Variants in APBA2 observed in about 807,000 individuals in gnomAD.
APBA2 encodes amyloid-beta A4 precursor protein-binding family A member 2.
In APBA2, 30 loss-of-function variants were observed where a neutral mutation model predicts 75.0. The ratio of observed to expected loss-of-function variants is 0.40; its 90% confidence interval spans 0.30 to 0.54. The LOEUF is 0.54. APBA2 is among the 20% of genes least tolerant of loss of function. The pLI is 0.49. For synonymous variants in APBA2, 444 were observed against 409.6 expected (o/e 1.08, Z -1.01); for missense variants, 801 against 1,016.1 (o/e 0.79, Z 2.88).
chr15:29,033,374 G>C (rs1457623528), intron 3 of APBA2, among the ~76,000 whole-genome samples: 3 of 152,052 alleles, frequency 2.0e-5, no homozygotes, highest in African/African-American at 7.2e-5. Context: ...TGTATTAATA[G>C]TTCCCTGTGC....
At chr15:29,029,344 A>AC (rs201888641) in intron 3 of APBA2, among the ~76,000 whole-genome samples, 3 of 151,066 alleles carry the variant, frequency 2.0e-5, no homozygotes, top group Admixed American at 6.6e-5. Context: ...AAAAAAAAAA[A>AC]CCCCTCTGTA....
chr15:28,965,087 T>C (rs1172896414), intron 2 of APBA2, among the ~76,000 whole-genome samples: 2 of 152,074 alleles, frequency 1.3e-5, no homozygotes, highest in Non-Finnish European at 2.9e-5. Context: ...TTTTTTTTTC[T>C]ACATGTCTTA....
Position 29,093,232 on chromosome 15 carries a change from T to C in APBA2, c.1215+12T>C, listed in dbSNP as rs776524606. 9.3e-6 allele frequency: 15 copies of C among 1,613,986 alleles called. No homozygotes were observed. Among genetic ancestry groups the C allele is most frequent in the Non-Finnish European group, 1.0e-5 (12 of 1,180,026 alleles). On this transcript the variant is annotated intron_variant, in intron 7 of 14. Transcript: ENST00000683413. ...TCAGCCGGGTCAAGGTAGAGGTGCTTCGAGGGCCCCTCGCGGATGCCCGCA... is the reference window on the plus strand; with the variant it reads ...TCAGCCGGGTCAAGGTAGAGGTGCTCCGAGGGCCCCTCGCGGATGCCCGCA...
At chr15:28,981,853 C>T (rs2037640247) in intron 2 of APBA2, among the ~76,000 whole-genome samples, 1 of 152,314 alleles carries the variant, frequency 6.6e-6, no homozygotes, top group Non-Finnish European at 1.5e-5. Context: ...ATGTCCTTTA[C>T]AGCAACATAG....
At chr15:28,969,151 T>TCTTGCTTG (rs777930945) in intron 2 of APBA2, among the ~76,000 whole-genome samples, 2 of 76,820 alleles carry the variant, frequency 2.6e-5, no homozygotes, top group African/African-American at 8.8e-4. Context: ...TTTCTTTCTT[T>TCTTGCTTG]CTTTCTTTCT....
intron 2 of APBA2, among the ~76,000 whole-genome samples, chr15:28,982,259 C>T (rs1372881765): frequency 3.3e-5 from 5 of 152,222 alleles, no homozygotes; most frequent in African/African-American, 1.2e-4. Flanking sequence ...TTGAACTCAG[C>T]CCAACATATT....
intron 2 of APBA2, among the ~76,000 whole-genome samples, chr15:28,984,214 T>G (rs926920920): frequency 6.6e-6 from 1 of 151,934 alleles, no homozygotes; most frequent in Non-Finnish European, 1.5e-5. Flanking sequence ...TTCGGGACTC[T>G]GAGTGCCGGG....
intron 2 of APBA2, among the ~76,000 whole-genome samples, chr15:28,935,148 C>A (rs2034786217): frequency 6.6e-6 from 1 of 152,174 alleles, no homozygotes; most frequent in Non-Finnish European, 1.5e-5. Context: ...CACTAGGTTT[C>A]TTTGGATTTT....
At chr15:28,965,895 G>A (rs983693237) in intron 2 of APBA2, among the ~76,000 whole-genome samples, 2 of 152,074 alleles carry the variant, frequency 1.3e-5, no homozygotes, top group African/African-American at 4.8e-5. Flanking sequence ...TTGGTATGTC[G>A]TGTTGTCATT....
chr15:29,009,093 G>A (rs894179351), intron 3 of APBA2, among the ~76,000 whole-genome samples: 2 of 152,150 alleles, frequency 1.3e-5, no homozygotes, highest in African/African-American at 4.8e-5. Flanking sequence ...TACTGAGAAG[G>A]CATCAGAAAA....
At chr15:29,064,036 A>G (rs2042267767) in intron 4 of APBA2, among the ~76,000 whole-genome samples, 1 of 152,102 alleles carries the variant, frequency 6.6e-6, no homozygotes, top group Admixed American at 6.5e-5. Flanking sequence ...AAGTTCTCAC[A>G]TGCCTCTTTC....
In APBA2 at chr15:29,054,628, C is replaced by T; in HGVS notation, c.744C>T (p.Ala248=). 1.2e-6 allele frequency: 2 copies of T among 1,614,182 alleles called. No homozygotes were observed. Among genetic ancestry groups the T allele is most frequent in the South Asian group, 2.2e-5 (2 of 91,082 alleles). Reference sequence around the variant, plus strand: ...CCAGCATCACCAGCGCCAGTGAGGCCAGCCCCGAGCATGGGCCTGAGCCAG... The same window carrying T: ...CCAGCATCACCAGCGCCAGTGAGGCTAGCCCCGAGCATGGGCCTGAGCCAG... ...SMTSITSASE[A]SPEHGPEPGP... Residue 248 remains alanine (A), a synonymous_variant, in exon 4 of 15, where the codon GCC becomes GCT. Transcript: ENST00000683413. The surrounding 1 kb of genome is among the most constrained non-coding windows in gnomAD (Gnocchi z 6.1).
chr15:28,898,775 TCTA>T (rs1254658352), intron 1 of APBA2, among the ~76,000 whole-genome samples: 1 of 152,220 alleles, frequency 6.6e-6, no homozygotes, highest in African/African-American at 2.4e-5. Flanking sequence ...CATGGCTTCT[TCTA>T]CTGCTAGAAC....
intron 2 of APBA2, among the ~76,000 whole-genome samples, chr15:28,934,754 C>T (rs533282198): frequency 4.5e-4 from 68 of 152,298 alleles, no homozygotes; most frequent in African/African-American, 1.6e-3. Context: ...TTGGTAAGCT[C>T]GGTCACCCAG....
intron 2 of APBA2, among the ~76,000 whole-genome samples, chr15:28,979,230 C>T (rs987518682): frequency 3.3e-5 from 5 of 152,172 alleles, no homozygotes; most frequent in African/African-American, 7.2e-5. Context: ...CTCTTTCTCT[C>T]GGGCCCTACC....
At chr15:28,895,970 G>A (rs185036155) in intron 1 of APBA2, among the ~76,000 whole-genome samples, 136 of 152,220 alleles carry the variant, frequency 8.9e-4, no homozygotes, top group Non-Finnish European at 1.7e-3. Flanking sequence ...AAAGTTAGTC[G>A]GATGTGGTGG....
In APBA2 at chr15:28,935,013, A is replaced by G. The variant is rs116700610; in HGVS notation, c.-95+13264A>G. The stretch of plus-strand genomic sequence containing the variant: ...TCCCATGGCATGGTGACTATAATCC[A>G]TGAATGATGCCCACACAGTTCCTGG... On this transcript the variant is annotated intron_variant, in intron 2 of 14. Coordinates refer to ENST00000683413, the MANE Select transcript of APBA2 (RefSeq NM_001353788.2). Among the ~76,000 whole-genome samples the G allele has an allele frequency of 4.9e-3, 741 of 152,288 alleles. 5 individuals are homozygous for G. Among genetic ancestry groups the G allele is most frequent in the African/African-American group, 0.016 (672 of 41,560 alleles).
At chr15:29,033,026 C>T (rs376851537) in intron 3 of APBA2, among the ~76,000 whole-genome samples, 17 of 152,188 alleles carry the variant, frequency 1.1e-4, no homozygotes, top group African/African-American at 2.4e-4. Flanking sequence ...GGAATGGGAG[C>T]GTTTGCCATC....
At chr15:28,988,577 T>C (rs1326436942) in intron 2 of APBA2, among the ~76,000 whole-genome samples, 1 of 152,202 alleles carries the variant, frequency 6.6e-6, no homozygotes, top group Non-Finnish European at 1.5e-5. Flanking sequence ...GTGCCTTTTT[T>C]GCTTAACATT....
Sources: gnomAD v4.1 joint callset for allele counts (sites outside exome capture counted in the v4.1 genomes callset) on GRCh38, gnomAD v4.1.1 for gene constraint, Gnocchi (gnomAD v3.1) non-coding constraint, MANE v1.5 for transcripts, NCBI Gene and HGNC (gene_info 2026-07-23, HGNC 2026-07-21) for gene names.